LINGO1: variants seen among roughly 807,000 people sequenced by gnomAD.
LINGO1 encodes leucine-rich repeat and immunoglobulin-like domain-containing nogo receptor-interacting protein 1.
In LINGO1, 11 loss-of-function variants were observed where a neutral mutation model predicts 37.3. That is an observed-to-expected ratio of 0.29 (90% CI 0.19 to 0.49). The LOEUF is 0.49. LINGO1 is among the 20% of genes least tolerant of loss of function. The pLI, the probability that LINGO1 is intolerant of heterozygous loss-of-function variation, is 0.99. For missense variants in LINGO1, 585 were observed against 878.2 expected (o/e 0.67, Z 4.22); for synonymous variants, 387 against 403.0 (o/e 0.96, Z 0.48).
At chr15:77,805,160 T>C (rs1315365523) in intron 1 of LINGO1, among the ~76,000 whole-genome samples, 1 of 152,154 alleles carries the variant, frequency 6.6e-6, no homozygotes, top group Non-Finnish European at 1.5e-5. Flanking sequence ...CATCCCCTAA[T>C]CCTGCCAGAA....
In LINGO1 at chr15:77,615,617, A is replaced by C; in HGVS notation, c.290T>G (p.Leu97Arg). The part of the protein sequence containing the change: ...NQDEFASFPH[L>R]EELELNENIV... ...GTTCTCGTTGAGCTCCAGCTCCTCC[A>C]GGTGCGGGAAGCTGGCGAACTCGTC... Residue 97 changes from leucine to arginine, a missense_variant, in exon 2 of 2, where the codon CTG (leucine) becomes CGG (arginine). Around this residue, in one of 4 missense-constraint regions of LINGO1, gnomAD observed 484 missense variants for 735.0 expected, o/e 0.66. Transcript: ENST00000355300. 1 of 1,611,336 alleles carries C rather than the reference A, an allele frequency of 6.2e-7. No individual in the cohort carries two copies. Among genetic ancestry groups the C allele is most frequent in the Non-Finnish European group, 8.5e-7 (1 of 1,179,064 alleles).
chr15:77,652,354 G>T (rs1184849355), intron 3 of LINGO1: 1 of 152,104 alleles, frequency 6.6e-6, no homozygotes, highest in Non-Finnish European at 1.5e-5. Flanking sequence ...GAGTCCCCGG[G>T]GACTTGAAAG....
intron 1 of LINGO1, among the ~76,000 whole-genome samples, chr15:77,771,962 C>A (rs2076590234): frequency 6.6e-6 from 1 of 152,208 alleles, no homozygotes; most frequent in South Asian, 2.1e-4. Flanking sequence ...GCTCCAAGGT[C>A]TGGTAGACTC....
intron 3 of LINGO1, among the ~76,000 whole-genome samples, chr15:77,668,616 C>A (rs184886083): frequency 5.2e-4 from 79 of 152,164 alleles, no homozygotes; most frequent in African/African-American, 1.7e-3. Flanking sequence ...ACGACGCATG[C>A]GCAGGAATAC....
At chr15:77,653,856 G>A (rs1429168613) in intron 3 of LINGO1, among the ~76,000 whole-genome samples, 1 of 152,192 alleles carries the variant, frequency 6.6e-6, no homozygotes, top group Non-Finnish European at 1.5e-5. Flanking sequence ...GGTACCTTCT[G>A]TGTGCCAAGC....
At chr15:77,666,456 G>A (rs114490671) in intron 3 of LINGO1, among the ~76,000 whole-genome samples, 2,329 of 152,290 alleles carry the variant, frequency 0.015, 54 homozygotes, top group African/African-American at 0.051. Flanking sequence ...GCTGATTACC[G>A]TGAGCCGGCA....
At chr15:77,780,342 C>A (rs1446252527) in intron 1 of LINGO1, among the ~76,000 whole-genome samples, 4 of 152,068 alleles carry the variant, frequency 2.6e-5, no homozygotes, top group African/African-American at 7.3e-5. Context: ...ACTCAGATGG[C>A]CAACACGCAG....
intron 2 of LINGO1, among the ~76,000 whole-genome samples, chr15:77,794,573 T>TAC (rs2076855276): frequency 5.0e-5 from 1 of 20,102 alleles, no homozygotes; most frequent in Non-Finnish European, 1.1e-4. Flanking sequence ...CACACACACA[T>TAC]ATATATATAT....
upstream of LINGO1, among the ~76,000 whole-genome samples, chr15:77,697,403 C>A (rs990457109): frequency 6.6e-6 from 1 of 152,074 alleles, no homozygotes; most frequent in South Asian, 2.1e-4. Flanking sequence ...GCAGGGCCTG[C>A]GGGTGGGGAC....
chr15:77,793,724 G>A (rs2076835792), intron 2 of LINGO1, among the ~76,000 whole-genome samples: 1 of 152,170 alleles, frequency 6.6e-6, no homozygotes, highest in Non-Finnish European at 1.5e-5. Flanking sequence ...CATTATAGAA[G>A]AGTATTTAAT....
At chr15:77,679,140 A>T (rs1213484871) in intron 2 of LINGO1, among the ~76,000 whole-genome samples, 1 of 152,128 alleles carries the variant, frequency 6.6e-6, no homozygotes, top group Admixed American at 6.5e-5. Flanking sequence ...ACCTTAGGTG[A>T]TCCACCCACG....
At chr15:77,790,262 C>T (rs1209728298), upstream of LINGO1, among the ~76,000 whole-genome samples, 1 of 152,190 alleles carries the variant, frequency 6.6e-6, no homozygotes, top group African/African-American at 2.4e-5. Flanking sequence ...TCTCTAAACC[C>T]TAGTTTGTTC....
At chr15:77,663,249 C>T (rs750097433) in intron 3 of LINGO1, among the ~76,000 whole-genome samples, 3 of 152,280 alleles carry the variant, frequency 2.0e-5, no homozygotes, top group Non-Finnish European at 4.4e-5. Context: ...GGTGCGAGGG[C>T]GGAAGAAGAA....
intron 1 of LINGO1, among the ~76,000 whole-genome samples, chr15:77,768,434 T>C (rs149427883): frequency 6.6e-6 from 1 of 152,096 alleles, no homozygotes; most frequent in Non-Finnish European, 1.5e-5. Flanking sequence ...GGGACAAGAC[T>C]ACAAAAAAGG....
At chr15:77,793,143 TCA>T (rs2141448039) in intron 2 of LINGO1, among the ~76,000 whole-genome samples, 1 of 152,164 alleles carries the variant, frequency 6.6e-6, no homozygotes, top group East Asian at 1.9e-4. Context: ...CTGTAAGTAT[TCA>T]GAGTTGGTGC....
At position 77,794,290 on chromosome 15, in the gene LINGO1, G is replaced by A. The variant is rs202013721; in HGVS notation, c.-343+1649C>T. On this transcript the variant is annotated intron_variant, in intron 2 of 5. Coordinates refer to the LINGO1 transcript ENST00000562933. ...CAGAAACATATACATATATATATAT[G>A]TATGTATATATATACATATATGTGT... is the stretch of plus-strand genomic sequence containing the variant. Among the ~76,000 whole-genome samples the A allele has an allele frequency of 2.6e-3, 183 of 71,358 alleles. 4 individuals are homozygous for A. The highest frequency in any genetic ancestry group is 4.5e-3 in the East Asian group (9 of 1,998). 46.8% of individuals were successfully genotyped at this position (71,358 alleles called of 152,430 possible). A position where few individuals can be genotyped will look rare whatever the true frequency, so the allele number is the denominator to read the frequency against.
At chr15:77,659,516 T>C (rs2074941344) in intron 3 of LINGO1, among the ~76,000 whole-genome samples, 1 of 152,192 alleles carries the variant, frequency 6.6e-6, no homozygotes, top group African/African-American at 2.4e-5. Flanking sequence ...CATGTTCCAG[T>C]TGTGGACATG....
In LINGO1 at chr15:77,688,736, C is replaced by A. The variant is rs185908716; in HGVS notation, c.-99+1984G>T. On this transcript the variant is annotated intron_variant, in intron 2 of 3. Coordinates refer to the LINGO1 transcript ENST00000559893. ...GCTGCTGAGAACAACAGAAGCAGCA[C>A]ATGCTGAAAAACAAAGGAAGAAATC... Among the ~76,000 whole-genome samples, 475 of 152,318 alleles carry A rather than the reference C, an allele frequency of 3.1e-3. 1 individual carries two copies. Among genetic ancestry groups the A allele is most frequent in the Middle Eastern group, 0.014 (4 of 294 alleles).
At chr15:77,656,528 G>A (rs552568825) in intron 3 of LINGO1, among the ~76,000 whole-genome samples, 60 of 152,174 alleles carry the variant, frequency 3.9e-4, no homozygotes, top group South Asian at 2.3e-3. Flanking sequence ...GGTGAGACTC[G>A]TGTGGCACCG....
Sources: allele counts gnomAD v4.1 joint callset (sites outside exome capture counted in the v4.1 genomes callset), GRCh38; gene constraint gnomAD v4.1.1; regional missense constraint gnomAD v4.1.1; transcripts MANE v1.5; gene names NCBI Gene and HGNC (gene_info 2026-07-23, HGNC 2026-07-21).